PCDH15: variants seen among roughly 807,000 people sequenced by gnomAD.
PCDH15 encodes protocadherin-15.
A neutral mutation model predicts 178.5 loss-of-function variants in PCDH15; 129 were observed. The ratio of observed to expected loss-of-function variants is 0.72; its 90% CI spans 0.63 to 0.84. PCDH15 has a LOEUF of 0.84. Among genes scored for constraint, PCDH15 ranks in the 40% least tolerant of loss-of-function variants. PCDH15 has a pLI of 0.00. For missense variants in PCDH15, 2,230 were observed against 2,099.9 expected (o/e 1.06, Z -1.21); for synonymous variants, 800 against 732.0 (o/e 1.09, Z -1.50).
intron 2 of PCDH15, among the ~76,000 whole-genome samples, chr10:55,586,655 A>G (rs1338094642): frequency 1.3e-5 from 2 of 152,176 alleles, no homozygotes; most frequent in African/African-American, 4.8e-5. Flanking sequence ...AACTAAGTTC[A>G]TTACTCTCAT....
At chr10:54,332,697 T>C (rs919145083) in intron 6 of PCDH15, among the ~76,000 whole-genome samples, 20 of 152,014 alleles carry the variant, frequency 1.3e-4, no homozygotes, top group African/African-American at 4.6e-4. Context: ...GGTCTCAGTC[T>C]GTGATGCAGA....
At chr10:54,730,078 A>G (rs919729591) in intron 1 of PCDH15, among the ~76,000 whole-genome samples, 2 of 151,560 alleles carry the variant, frequency 1.3e-5, no homozygotes, top group African/African-American at 2.4e-5. Flanking sequence ...AAATCATTCT[A>G]CCATGAAGAC....
intron 2 of PCDH15, among the ~76,000 whole-genome samples, chr10:55,069,650 G>A (rs1841674094): frequency 1.4e-5 from 2 of 143,640 alleles, no homozygotes; most frequent in Non-Finnish European, 3.0e-5. Flanking sequence ...GTGTATATGT[G>A]CCACATTTTC....
intron 29 of PCDH15, 126 bp downstream of exon 29, chr10:53,840,194 C>CTTA (rs904311397): frequency 8.4e-7 from 1 of 1,190,968 alleles, no homozygotes; most frequent in East Asian, 2.4e-5. Context: ...AGGTTCTTTG[C>CTTA]TTACACTTCA....
chr10:55,453,394 T>C (rs1187272577), intron 2 of PCDH15, among the ~76,000 whole-genome samples: 1 of 152,158 alleles, frequency 6.6e-6, no homozygotes, highest in Non-Finnish European at 1.5e-5. Flanking sequence ...AATAGAAATA[T>C]GACAGAAAAG....
chr10:55,537,411 TTATGTATG>T (rs539616680), intron 2 of PCDH15, among the ~76,000 whole-genome samples: 6,148 of 150,758 alleles, frequency 0.041, 166 homozygotes, highest in Non-Finnish European at 0.06. Context: ...ATTTATGTAT[TTATGTATG>T]TATGTATGTA....
At chr10:54,094,181 C>A (rs1389867021) in intron 15 of PCDH15, among the ~76,000 whole-genome samples, 4 of 152,144 alleles carry the variant, frequency 2.6e-5, no homozygotes, top group African/African-American at 9.6e-5. Context: ...ATTTATTGAG[C>A]ATCTACGCTG....
intron 21 of PCDH15, among the ~76,000 whole-genome samples, chr10:53,980,389 G>T (rs1325085791): frequency 1.3e-5 from 2 of 152,150 alleles, no homozygotes; most frequent in South Asian, 4.1e-4. Context: ...AAATGTGTGG[G>T]ATTCTAAAGG....
intron 2 of PCDH15, among the ~76,000 whole-genome samples, chr10:54,929,657 A>G (rs1837719789): frequency 6.6e-6 from 1 of 152,180 alleles, no homozygotes; most frequent in Non-Finnish European, 1.5e-5. Flanking sequence ...CTGACAGAAA[A>G]TAATTAGGAA....
chr10:54,557,252 G>C (rs2087406092), intron 2 of PCDH15, among the ~76,000 whole-genome samples: 1 of 152,164 alleles, frequency 6.6e-6, no homozygotes, highest in Non-Finnish European at 1.5e-5. Flanking sequence ...TTTGGACAAT[G>C]ATAAGTCTTT....
chr10:54,516,515 G>C (rs987652675), intron 3 of PCDH15, among the ~76,000 whole-genome samples: 1 of 151,942 alleles, frequency 6.6e-6, no homozygotes, highest in African/African-American at 2.4e-5. Flanking sequence ...AGAGAAAAAA[G>C]AATAAAAAGA....
Position 54,302,837 on chromosome 10 carries a change from A to G in PCDH15, c.876+14434T>C, listed in dbSNP as rs183523291. 2.1e-3 allele frequency among the ~76,000 whole-genome samples: 322 copies of G among 152,252 alleles called. 1 individual carries two copies. Among genetic ancestry groups the G allele is most frequent in the African/African-American group, 5.4e-3 (225 of 41,538 alleles). ...ACAACTTTATTTCAAAATGCATTCCATCTACTTTACAAAGTAAAAATACAA... is the reference window on the plus strand; with the variant it reads ...ACAACTTTATTTCAAAATGCATTCCGTCTACTTTACAAAGTAAAAATACAA... On this transcript the variant is annotated intron_variant, in intron 8 of 37. Transcript: ENST00000644397.
At chr10:53,835,952 T>C (rs1460826145) in intron 29 of PCDH15, among the ~76,000 whole-genome samples, 1 of 152,164 alleles carries the variant, frequency 6.6e-6, no homozygotes, top group Non-Finnish European at 1.5e-5. Flanking sequence ...GCAAGGCTGG[T>C]GCACAGGCAG....
chr10:54,752,714 A>AC (rs11442865), intron 1 of PCDH15, among the ~76,000 whole-genome samples: 75,059 of 150,774 alleles, frequency 0.5, 19,259 homozygotes, highest in Middle Eastern at 0.67. Context: ...CAATGAAAGT[A>AC]TATAAAGCCA....
intron 1 of PCDH15, among the ~76,000 whole-genome samples, chr10:54,776,364 C>G (rs1364003909): frequency 1.3e-5 from 2 of 151,696 alleles, no homozygotes; most frequent in African/African-American, 4.8e-5. Flanking sequence ...TTAACTAGTC[C>G]CAGCTTAAGA....
chr10:55,345,453 T>C (rs1285024733), intron 2 of PCDH15, among the ~76,000 whole-genome samples: 1 of 151,982 alleles, frequency 6.6e-6, no homozygotes, highest in South Asian at 2.1e-4. Context: ...AGAATAACTA[T>C]ATAGCACCAC....
chr10:53,925,216 C>G (rs7908973), intron 25 of PCDH15, among the ~76,000 whole-genome samples: 10 of 152,098 alleles, frequency 6.6e-5, no homozygotes, highest in African/African-American at 2.2e-4. Context: ...TAACACTCAC[C>G]GCGAAGGTCT....
At chr10:55,321,512 A>T (rs1442321943), upstream of PCDH15, among the ~76,000 whole-genome samples, 1 of 152,176 alleles carries the variant, frequency 6.6e-6, no homozygotes, top group Admixed American at 6.5e-5. Flanking sequence ...TAACCCCTGC[A>T]AAATACTACA....
intron 25 of PCDH15, chr10:53,905,162 G>A (rs749123906): frequency 1.9e-6 from 1 of 518,366 alleles, no homozygotes. Flanking sequence ...CTCCACAGCT[G>A]CCCATATACT....
Sources: gnomAD v4.1 joint callset for allele counts (sites outside exome capture counted in the v4.1 genomes callset) on GRCh38, gnomAD v4.1.1 for gene constraint, MANE v1.5 for transcripts, NCBI Gene and HGNC (gene_info 2026-07-23, HGNC 2026-07-21) for gene names.